Variants in TRERF1 observed in about 807,000 individuals in gnomAD.
The protein encoded by TRERF1 is transcriptional regulating factor 1.
Under a neutral mutation model 122.9 loss-of-function variants are expected in TRERF1, and 27 were observed. That is an observed-to-expected ratio of 0.22 (90% CI 0.16 to 0.30). The LOEUF is 0.30. Ranked by LOEUF, TRERF1 falls within the 10% of genes least tolerant of loss-of-function variation. The pLI is 1.00. For synonymous variants in TRERF1, 636 were observed against 641.7 expected (o/e 0.99, Z 0.13); for missense variants, 1,248 against 1,560.3 (o/e 0.80, Z 3.37).
intron 4 of TRERF1, among the ~76,000 whole-genome samples, chr6:42,299,322 T>C (rs4711715): frequency 0.15 from 22,020 of 151,320 alleles, 1,916 homozygotes; most frequent in African/African-American, 0.24. Context: ...AGATGGAAAA[T>C]GAAATGAGGG....
At chr6:42,308,240 G>C (rs1787631666) in intron 3 of TRERF1, among the ~76,000 whole-genome samples, 1 of 152,190 alleles carries the variant, frequency 6.6e-6, no homozygotes, top group East Asian at 1.9e-4. Flanking sequence ...CTGATGAGTG[G>C]ATAAACAAAT....
chr6:42,277,615 C>T (rs773573200), intron 4 of TRERF1, among the ~76,000 whole-genome samples: 41 of 152,066 alleles, frequency 2.7e-4, no homozygotes, highest in Non-Finnish European at 5.1e-4. Flanking sequence ...CTTTGGGAGG[C>T]CAAGGCCCAC....
At chr6:42,430,336 G>A (rs971772718) in intron 2 of TRERF1, among the ~76,000 whole-genome samples, 3 of 152,028 alleles carry the variant, frequency 2.0e-5, no homozygotes, top group Non-Finnish European at 4.4e-5. Flanking sequence ...AAGAAAACCG[G>A]CAAGTCCCAC....
chr6:42,304,116 C>T (rs1430994892), intron 3 of TRERF1, among the ~76,000 whole-genome samples: 1 of 152,126 alleles, frequency 6.6e-6, no homozygotes, highest in Non-Finnish European at 1.5e-5. Flanking sequence ...TTTTCTGCAA[C>T]AGTGGTAAAT....
rs762226284 is a variant in TRERF1 at position 42,268,612 on chromosome 6, A to G, written c.979T>C (p.Tyr327His). 1 of 1,613,996 alleles carries G rather than the reference A, an allele frequency of 6.2e-7. No individual in the cohort carries two copies. The highest frequency in any genetic ancestry group is 2.2e-5 in the East Asian group (1 of 44,882). Residue 327 changes from tyrosine to histidine, a missense_variant, in exon 5 of 18, where the codon TAT becomes CAT. Transcript: ENST00000372922. This position sits in a 1 kb window ranked among gnomAD's most constrained non-coding sequence, Gnocchi z 4.4. ...TGCTGCATCATGGGTTGGGGCTGATAATACTGAGGTATCTGCATTGAACCC... is the reference window on the plus strand; with the variant it reads ...TGCTGCATCATGGGTTGGGGCTGATGATACTGAGGTATCTGCATTGAACCC...
intron 3 of TRERF1, among the ~76,000 whole-genome samples, chr6:42,340,325 G>C (rs562040458): frequency 3.5e-4 from 54 of 152,146 alleles, no homozygotes; most frequent in Non-Finnish European, 6.3e-4. Flanking sequence ...ACCTTGGAGG[G>C]AGGGCAGGCA....
intron 2 of TRERF1, among the ~76,000 whole-genome samples, chr6:42,433,941 T>C (rs1784870854): frequency 6.6e-6 from 1 of 152,126 alleles, no homozygotes; most frequent in Non-Finnish European, 1.5e-5. Context: ...GAGGACCACT[T>C]GGGCCCATGA....
intron 4 of TRERF1, among the ~76,000 whole-genome samples, chr6:42,280,817 G>A (rs570033260): frequency 6.6e-6 from 1 of 152,334 alleles, no homozygotes; most frequent in South Asian, 2.1e-4. Context: ...GTCCATGGGA[G>A]CTGCAGAGAA....
At chr6:42,392,432 G>C (rs1777903189) in intron 2 of TRERF1, among the ~76,000 whole-genome samples, 1 of 152,100 alleles carries the variant, frequency 6.6e-6, no homozygotes, top group Admixed American at 6.6e-5. Flanking sequence ...AACGATAAAC[G>C]TTAGCTATTA....
intron 3 of TRERF1, among the ~76,000 whole-genome samples, chr6:42,339,001 T>C (rs1766733028): frequency 6.6e-6 from 1 of 152,234 alleles, no homozygotes; most frequent in East Asian, 1.9e-4. Context: ...AAATCATCTT[T>C]TTCCCAGCCT....
Position 42,259,359 on chromosome 6 carries a change from C to T in TRERF1, c.2249G>A (p.Arg750Gln). Residue 750 changes from arginine to glutamine, a missense_variant, in exon 9 of 18, where the codon CGG (arginine) becomes CAG (glutamine). This residue lies in a region of TRERF1 where 946 missense variants were observed against 1,073.0 expected (regional missense o/e 0.88). Transcript: ENST00000372922. This position sits in a 1 kb window ranked among gnomAD's most constrained non-coding sequence, Gnocchi z 4.9. ...CTCACTGGAGCGACACAGCAGCACCCGTGGTGTGGGCGTCAGGGGCGTCAG... is the reference window on the plus strand; with the variant it reads ...CTCACTGGAGCGACACAGCAGCACCTGTGGTGTGGGCGTCAGGGGCGTCAG... 1.3e-6 allele frequency: 2 copies of T among 1,513,262 alleles called. No homozygotes were observed. The highest frequency in any genetic ancestry group is 2.6e-5 in the South Asian group (2 of 76,092). 93.7% of individuals were successfully genotyped at this position (1,513,262 alleles called of 1,614,324 possible).
intron 2 of TRERF1, among the ~76,000 whole-genome samples, chr6:42,411,760 G>A (rs532660511): frequency 2.0e-5 from 3 of 152,246 alleles, no homozygotes; most frequent in South Asian, 2.1e-4. Flanking sequence ...GAGAACCAAC[G>A]TGTAGTGACA....
intron 4 of TRERF1, among the ~76,000 whole-genome samples, chr6:42,289,138 AC>A (rs1783832048): frequency 6.6e-6 from 1 of 152,160 alleles, no homozygotes; most frequent in African/African-American, 2.4e-5. Context: ...AACCTGGCCA[AC>A]ATGGTGAAAC....
chr6:42,242,177 G>A lies in TRERF1; in HGVS notation c.2859+1071C>T, dbSNP rs147096714. 1.2e-4 allele frequency among the ~76,000 whole-genome samples: 18 copies of A among 152,302 alleles called. No individual in the cohort carries two copies. The East Asian group carries it at 3.5e-3, about 29-fold the overall frequency. ...TTAACAACACGCTCAGCAGCTGTGT[G>A]ACTATGGCCAATTTGCTTAAGCTCT... On this transcript the variant is annotated intron_variant, in intron 15 of 17. Transcript: ENST00000372922.
chr6:42,415,160 T>C (rs555862227), intron 2 of TRERF1, among the ~76,000 whole-genome samples: 2 of 152,356 alleles, frequency 1.3e-5, no homozygotes, highest in South Asian at 4.1e-4. Context: ...GGGTTGTGGG[T>C]CTTTTCATAT....
chr6:42,272,870 T>C (rs1780491810), intron 4 of TRERF1, among the ~76,000 whole-genome samples: 3 of 152,182 alleles, frequency 2.0e-5, no homozygotes, highest in African/African-American at 7.2e-5. Flanking sequence ...CCAGCTCAGA[T>C]GGTCTGAGAT....
At chr6:42,304,427 AG>A (rs1443354090) in intron 3 of TRERF1, among the ~76,000 whole-genome samples, 3 of 152,188 alleles carry the variant, frequency 2.0e-5, no homozygotes, top group African/African-American at 7.2e-5. Flanking sequence ...TGCTCCTAAT[AG>A]GCCCTGGATA....
chr6:42,419,666 C>T (rs781596597), intron 2 of TRERF1, among the ~76,000 whole-genome samples: 1 of 152,116 alleles, frequency 6.6e-6, no homozygotes, highest in East Asian at 1.9e-4. Flanking sequence ...CTGGCACCCA[C>T]GGATTTGGAG....
chr6:42,274,630 G>A (rs1780845120), intron 4 of TRERF1, among the ~76,000 whole-genome samples: 1 of 152,054 alleles, frequency 6.6e-6, no homozygotes, highest in African/African-American at 2.4e-5. Flanking sequence ...AGTGAGCCGA[G>A]ATCAAGCCAT....
Sources: gnomAD v4.1 joint callset for allele counts (sites outside exome capture counted in the v4.1 genomes callset) on GRCh38, gnomAD v4.1.1 for gene constraint, gnomAD v4.1.1 regional missense constraint, Gnocchi (gnomAD v3.1) non-coding constraint, MANE v1.5 for transcripts, NCBI Gene and HGNC (gene_info 2026-07-23, HGNC 2026-07-21) for gene names.